ATP1A3: variants seen among roughly 807,000 people sequenced by gnomAD.
The protein encoded by ATP1A3 is sodium/potassium-transporting ATPase subunit alpha-3.
ATP1A3 carries 12 observed loss-of-function variants against 108.8 expected under a neutral mutation model. The ratio of observed to expected loss-of-function variants is 0.11; its 90% CI spans 0.07 to 0.18. ATP1A3 has a LOEUF of 0.18. Ranked by LOEUF, ATP1A3 falls within the 10% of genes least tolerant of loss-of-function variation. The probability of loss-of-function intolerance (pLI) is 1.00; values close to 1 mark genes in which losing one functional copy is unlikely to be tolerated. For synonymous variants in ATP1A3, 539 were observed against 564.5 expected, an observed-to-expected ratio of 0.95 and a Z score of 0.64; for missense variants, 498 against 1,387.7, an observed-to-expected ratio of 0.36 and a Z score of 10.19.
chr19:41,982,146 C>T, intron 8 of ATP1A3, 40 bp from the exon 9 acceptor site: 1 of 1,613,486 alleles, frequency 6.2e-7, no homozygotes, highest in Non-Finnish European at 8.5e-7. Flanking sequence ...CAGGGACAAG[C>T]CCGGCAGCAG....
At chr19:41,989,468 G>A (rs1337659184) in intron 1 of ATP1A3, among the ~76,000 whole-genome samples, 2 of 151,960 alleles carry the variant, frequency 1.3e-5, no homozygotes, top group Non-Finnish European at 2.9e-5. Flanking sequence ...ACAGGCGCCC[G>A]CCACTACGCC....
Position 41,968,759 on chromosome 19 carries a change from A to T in ATP1A3, c.2819+26T>A. 1 of 1,613,490 alleles carries T rather than the reference A, an allele frequency of 6.2e-7. No homozygotes were observed. The highest frequency in any genetic ancestry group is 8.5e-7 in the Non-Finnish European group (1 of 1,179,512). ...ACTCGGACAGGACAGATGGCTGTCC[A>T]GTCACCATGTGCCCCCGGCCCTCAC... On this transcript the variant is annotated intron_variant, in intron 20 of 22. Coordinates refer to ENST00000648268, the MANE Select transcript of ATP1A3 (RefSeq NM_152296.5). This position sits in a 1 kb window ranked among gnomAD's most constrained non-coding sequence, Gnocchi z 5.0.
rs1018942545 is a variant in ATP1A3, at chr19:41,967,476, C to A, written c.2922-136G>T. The A allele has an allele frequency of 2.5e-6, 3 of 1,204,860 alleles. No homozygotes were observed. The highest frequency in any genetic ancestry group is 3.5e-6 in the Non-Finnish European group (3 of 862,024). The allele number at this position is 1,204,860 out of a possible 1,614,324, so 74.6% of individuals were successfully genotyped here. On this transcript the variant is annotated intron_variant, in intron 21 of 22. Coordinates refer to ENST00000648268, the MANE Select transcript of ATP1A3 (RefSeq NM_152296.5). The surrounding 1 kb of genome is among the most constrained non-coding windows in gnomAD (Gnocchi z 4.2). Reference sequence around the variant, plus strand: ...CAGGTGGAGGGTGCCCTGGGCGGGGCTGGGGCCTGGGGTCTTCGGAGTAAT... The same window carrying A: ...CAGGTGGAGGGTGCCCTGGGCGGGGATGGGGCCTGGGGTCTTCGGAGTAAT...
intron 19 of ATP1A3, 49 bp downstream of exon 19, chr19:41,969,386 C>T (rs1256812135): frequency 3.7e-6 from 6 of 1,613,662 alleles, no homozygotes; most frequent in Non-Finnish European, 4.2e-6. Flanking sequence ...GAACAGCTCA[C>T]CCCGGGGATC....
Position 41,969,451 on chromosome 19 carries a change from C to T in ATP1A3, c.2672G>A (p.Ser891Asn). 1 of 1,614,212 alleles carries T rather than the reference C, an allele frequency of 6.2e-7. No homozygotes were observed. The highest frequency in any genetic ancestry group is 8.5e-7 in the Non-Finnish European group (1 of 1,180,032). ...CCTACTCACCCACTGCTGCCCGTAA[C>T]TGTCTTCCAGGTCATTGACGGTGCG... ...DDRTVNDLEDSYGQQWTYEQR... is the reference protein window; with the variant it reads ...DDRTVNDLEDNYGQQWTYEQR... Residue 891 changes from serine (S) to asparagine (N), a missense_variant, in exon 19 of 23, where the codon AGT (serine) becomes AAT (asparagine). By Grantham distance (46) the Ser-to-Asn change is conservative. Coordinates refer to ENST00000648268, the MANE Select transcript of ATP1A3 (RefSeq NM_152296.5).
intron 11 of ATP1A3, among the ~76,000 whole-genome samples, chr19:41,981,000 C>CT (rs782504068): frequency 1.2e-3 from 164 of 138,908 alleles, no homozygotes; most frequent in East Asian, 1.5e-3. Flanking sequence ...TGTAGGAAAA[C>CT]TTTTTTTTTT....
Position 41,969,461 on chromosome 19 carries a change from G to C in ATP1A3, c.2662C>G (p.Leu888Val). ...LNWDDRTVND[L>V]EDSYGQQWTY... Reference sequence around the variant, plus strand: ...CACTGCTGCCCGTAACTGTCTTCCAGGTCATTGACGGTGCGGTCATCCCAG... The same window carrying C: ...CACTGCTGCCCGTAACTGTCTTCCACGTCATTGACGGTGCGGTCATCCCAG... The change falls in exon 19 of 23, where the codon CTG becomes GTG. Residue 888 changes from leucine to valine, a missense_variant. Around this residue, in one of 9 missense-constraint regions of ATP1A3, gnomAD observed 121 missense variants for 425.1 expected, o/e 0.28. Transcript: ENST00000648268. 6.2e-7 allele frequency: 1 copy of C among 1,614,196 alleles called. No individual in the cohort carries two copies. Among genetic ancestry groups the C allele is most frequent in the Non-Finnish European group, 8.5e-7 (1 of 1,180,030 alleles).
intron 15 of ATP1A3, among the ~76,000 whole-genome samples, chr19:41,976,007 C>T (rs945300000): frequency 1.3e-5 from 2 of 151,222 alleles, no homozygotes; most frequent in East Asian, 1.9e-4. Context: ...CCTCCTCCCT[C>T]AGACCCAGAG....
At chr19:41,971,719 A>T (rs1254584833) in intron 16 of ATP1A3, among the ~76,000 whole-genome samples, 1 of 152,174 alleles carries the variant, frequency 6.6e-6, no homozygotes, top group African/African-American at 2.4e-5. Flanking sequence ...GATAATGGTT[A>T]TGTCTAGGAG....
rs374426202 is a variant in ATP1A3 at position 41,981,558 on chromosome 19, G to A, written c.1381C>T (p.Arg461Cys). 1 of 1,614,208 alleles carries A rather than the reference G, an allele frequency of 6.2e-7. No individual in the cohort carries two copies. Among genetic ancestry groups the A allele is most frequent in the Non-Finnish European group, 8.5e-7 (1 of 1,180,044 alleles). ...ELSSGSVKLM[R>C]ERNKKVAEIP... ...TCAGCCACTTTCTTGTTGCGTTCACGCATCAGCTTCACGGAGCCAGAGGAC... is the reference window on the plus strand; with the variant it reads ...TCAGCCACTTTCTTGTTGCGTTCACACATCAGCTTCACGGAGCCAGAGGAC... Residue 461 changes from arginine to cysteine, a missense_variant, in exon 11 of 23, where the codon CGT becomes TGT. Physicochemically the swap from Arg to Cys is radical, Grantham distance 180. This residue lies in a region of ATP1A3 where 92 missense variants were observed against 168.7 expected (regional missense o/e 0.55). Transcript: ENST00000648268. The surrounding 1 kb of genome is among the most constrained non-coding windows in gnomAD (Gnocchi z 5.0).
Position 41,968,051 on chromosome 19 carries a change from CAG to C in ATP1A3, c.2820-290_2820-289del, listed in dbSNP as rs1555859033. ...ACAGGGACAGACAGAGAGACAGACA[CAG>C]GGACAGACACAGAGACAGGGACAGA... On this transcript the variant is annotated intron_variant, in intron 20 of 22. Coordinates refer to ENST00000648268, the MANE Select transcript of ATP1A3 (RefSeq NM_152296.5). The surrounding 1 kb of genome is among the most constrained non-coding windows in gnomAD (Gnocchi z 5.0). Among the ~76,000 whole-genome samples the C allele has an allele frequency of 6.6e-6, 1 of 150,710 alleles. No individual in the cohort carries two copies. The highest frequency in any genetic ancestry group is 1.5e-5 in the Non-Finnish European group (1 of 67,636).
Position 41,967,246 on chromosome 19 carries a change from C to T in ATP1A3, c.3013+3G>A. ...CCTCGGCTGCCTTGCCGAGCTCCCT[C>T]ACCCCCTGGGTTCCTGCGCAGGATG... is the stretch of plus-strand genomic sequence containing the variant. On this transcript the variant is annotated splice_donor_region_variant and intron_variant, in intron 22 of 22. Coordinates refer to ENST00000648268, the MANE Select transcript of ATP1A3 (RefSeq NM_152296.5). The surrounding 1 kb of genome is among the most constrained non-coding windows in gnomAD (Gnocchi z 4.2). 6 of 1,614,102 alleles carry T rather than the reference C, an allele frequency of 3.7e-6. No individual in the cohort carries two copies. The highest frequency in any genetic ancestry group is 5.1e-6 in the Non-Finnish European group (6 of 1,180,018).
In ATP1A3 at chr19:41,977,774, A is replaced by G. The variant is rs947677129; in HGVS notation, c.1943+162T>C. 3.9e-5 allele frequency among the ~76,000 whole-genome samples: 6 copies of G among 152,212 alleles called. 1 individual carries two copies. The highest frequency in any genetic ancestry group is 8.8e-5 in the Non-Finnish European group (6 of 68,036). On this transcript the variant is annotated intron_variant, in intron 14 of 22. Transcript: ENST00000648268. ...ATGCCTGGCTACCTCTGTGGCTGCA[A>G]TGTCCCCACACCGGAGGGAGGGCCA...
rs1428514255 is a variant in ATP1A3 at position 41,966,965 on chromosome 19, C to T, written c.3014G>A (p.Gly1005Asp). The T allele has an allele frequency of 5.8e-6, 9 of 1,551,088 alleles. No homozygotes were observed. The highest frequency in any genetic ancestry group is 1.4e-5 in the African/African-American group (1 of 72,846). ...RKLILRRNPG[G>D]WVEKETYY ...GTAGTAGGTTTCCTTCTCCACCCAA[C>T]CTGGAGAGACAAAGAAGGAAAGAAA... The change falls in exon 23 of 23, where the codon GGT becomes GAT. Residue 1005 changes from glycine (G) to aspartate (D), a missense_variant and splice_region_variant. Gly to Asp is a moderately conservative substitution (Grantham distance 94, BLOSUM62 -1). Around this residue, in one of 9 missense-constraint regions of ATP1A3, gnomAD observed 29 missense variants for 41.0 expected, o/e 0.71. Transcript: ENST00000648268.
chr19:41,977,626 G>A (rs2075185633), intron 14 of ATP1A3, among the ~76,000 whole-genome samples: 1 of 152,172 alleles, frequency 6.6e-6, no homozygotes, highest in Non-Finnish European at 1.5e-5. Context: ...TTGAACCCGG[G>A]AGGCGGAGGC....
Position 41,988,949 on chromosome 19 carries a change from T to C in ATP1A3, c.7-387A>G, listed in dbSNP as rs1197949591. On this transcript the variant is annotated intron_variant, in intron 1 of 22. Transcript: ENST00000648268. The surrounding 1 kb of genome is among the most constrained non-coding windows in gnomAD (Gnocchi z 5.3). ...TTTGTGTTCTGTGTCTATGTGACTT[T>C]GTTTTCGTTTTTTGAAACAATGTCT... is the stretch of plus-strand genomic sequence containing the variant. 6.6e-6 allele frequency among the ~76,000 whole-genome samples: 1 copy of C among 152,176 alleles called. No individual in the cohort carries two copies. The highest frequency in any genetic ancestry group is 1.5e-5 in the Non-Finnish European group (1 of 68,042).
At chr19:41,990,776 C>T (rs1287686743) in intron 1 of ATP1A3, 1 of 151,852 alleles carries the variant, frequency 6.6e-6, no homozygotes, top group Admixed American at 6.6e-5. Context: ...CTCTTTCTCT[C>T]ACTTTCTCTC....
chr19:41,992,859 T>C (rs2075353108), intron 1 of ATP1A3: 1 of 153,866 alleles, frequency 6.5e-6, no homozygotes, highest in Non-Finnish European at 1.4e-5. Context: ...CTAACTTCCT[T>C]CTCTAGGGCT....
chr19:41,990,360 CCT>C (rs1240971686), intron 1 of ATP1A3, among the ~76,000 whole-genome samples: 2 of 144,946 alleles, frequency 1.4e-5, no homozygotes, highest in African/African-American at 2.6e-5. Context: ...TCTCTCTCTC[CCT>C]CTCTCTGTCT....
Sources: allele counts gnomAD v4.1 joint callset (sites outside exome capture counted in the v4.1 genomes callset), GRCh38; gene constraint gnomAD v4.1.1; regional missense constraint gnomAD v4.1.1; non-coding constraint Gnocchi (gnomAD v3.1); transcripts MANE v1.5; gene names NCBI Gene and HGNC (gene_info 2026-07-23, HGNC 2026-07-21).